The following PRKAR2A variants were observed in gnomAD, a reference collection of about 807,000 sequenced individuals.
PRKAR2A encodes protein kinase cAMP-dependent type II regulatory subunit alpha.
PRKAR2A carries 29 observed loss-of-function variants against 51.9 expected under a neutral mutation model. That is an observed-to-expected ratio of 0.56 (90% CI 0.42 to 0.76). The LOEUF is 0.76. PRKAR2A is among the 30% of genes least tolerant of loss of function. The probability of loss-of-function intolerance (pLI) is 0.00; values close to 1 mark genes in which losing one functional copy is unlikely to be tolerated. For missense variants in PRKAR2A, 445 were observed against 512.1 expected, an observed-to-expected ratio of 0.87 and a Z score of 1.26; for synonymous variants, 178 against 186.2, an observed-to-expected ratio of 0.96 and a Z score of 0.36.
At chr3:48,844,567 G>C (rs1468848695) in intron 1 of PRKAR2A, among the ~76,000 whole-genome samples, 1 of 150,868 alleles carries the variant, frequency 6.6e-6, no homozygotes, top group Non-Finnish European at 1.5e-5. Flanking sequence ...ATTCACAATA[G>C]CAAAGACTTG....
chr3:48,796,897 C>T (rs112783411), intron 2 of PRKAR2A, among the ~76,000 whole-genome samples: 2 of 151,816 alleles, frequency 1.3e-5, no homozygotes, highest in African/African-American at 2.4e-5. Context: ...TGGCTTTTTG[C>T]TCAGAATTCA....
chr3:48,760,666 T>TAA (rs534005882), intron 8 of PRKAR2A, among the ~76,000 whole-genome samples: 46 of 106,938 alleles, frequency 4.3e-4, no homozygotes, highest in African/African-American at 1.3e-3. Context: ...CTGTCTTTAC[T>TAA]AAAAAAAAAA....
chr3:48,754,548 G>A (rs1006318980), intron 9 of PRKAR2A, among the ~76,000 whole-genome samples: 2 of 152,042 alleles, frequency 1.3e-5, no homozygotes, highest in African/African-American at 4.8e-5. Flanking sequence ...AGAGGCAGGA[G>A]GATCACCTGA....
chr3:48,800,190 A>C (rs2082564177), intron 2 of PRKAR2A, among the ~76,000 whole-genome samples: 1 of 151,586 alleles, frequency 6.6e-6, no homozygotes, highest in Admixed American at 6.6e-5. Flanking sequence ...ATAAAATCAT[A>C]CTAACATTTC....
At chr3:48,746,353 T>TAAAAA (rs34195938), downstream of PRKAR2A, among the ~76,000 whole-genome samples, 5 of 68,296 alleles carry the variant, frequency 7.3e-5, no homozygotes, top group East Asian at 4.8e-4. Flanking sequence ...ATCCTGTCAC[T>TAAAAA]AAAAAAAAAA....
intron 2 of PRKAR2A, among the ~76,000 whole-genome samples, chr3:48,796,770 G>A (rs1006869090): frequency 2.7e-5 from 4 of 150,402 alleles, no homozygotes; most frequent in African/African-American, 9.8e-5. Flanking sequence ...GATTACAGAC[G>A]TGAGCAACCG....
At chr3:48,773,764 AC>A (rs1273248636) in intron 5 of PRKAR2A, among the ~76,000 whole-genome samples, 6 of 151,580 alleles carry the variant, frequency 4.0e-5, no homozygotes. Flanking sequence ...ACACACACAC[AC>A]ATATATACAT....
At chr3:48,783,157 A>C in intron 4 of PRKAR2A, 65 bp from the exon 5 acceptor site, 1 of 1,019,888 alleles carries the variant, frequency 9.8e-7, no homozygotes, top group South Asian at 1.3e-5. Context: ...CAGTGACCAT[A>C]ATTATCTCAA....
At chr3:48,810,903 G>GCA (rs1194206364) in intron 1 of PRKAR2A, among the ~76,000 whole-genome samples, 1 of 152,180 alleles carries the variant, frequency 6.6e-6, no homozygotes, top group African/African-American at 2.4e-5. Context: ...GGGGCCGGGT[G>GCA]CAGTGGCTCA....
At chr3:48,795,556 TGA>T (rs1008207624) in intron 2 of PRKAR2A, among the ~76,000 whole-genome samples, 4 of 152,176 alleles carry the variant, frequency 2.6e-5, no homozygotes, top group Non-Finnish European at 4.4e-5. Context: ...CTTCTTTTTT[TGA>T]GAGAGTCTCG....
intron 6 of PRKAR2A, among the ~76,000 whole-genome samples, chr3:48,772,248 T>C (rs1378514350): frequency 6.6e-6 from 1 of 152,198 alleles, no homozygotes; most frequent in Non-Finnish European, 1.5e-5. Context: ...GGCTTATTAT[T>C]TGATTTTGTA....
At position 48,750,608 on chromosome 3, in the gene PRKAR2A, G is replaced by T. The variant is rs1575829416; in HGVS notation, c.*977C>A. On this transcript the variant is annotated 3_prime_UTR_variant, in exon 11 of 11. Coordinates refer to ENST00000265563, the MANE Select transcript of PRKAR2A (RefSeq NM_004157.4). ...ACAACAACTCTGGAGTAGAAGGAAA[G>T]AACTCTCTTTATAGTACAACCTCTT... is the stretch of plus-strand genomic sequence containing the variant. The T allele has an allele frequency of 6.6e-6, 1 of 152,494 alleles. No individual in the cohort carries two copies. Among genetic ancestry groups the T allele is most frequent in the African/African-American group, 2.4e-5 (1 of 41,454 alleles). 9.4% of individuals were successfully genotyped at this position (152,494 alleles called of 1,614,324 possible). A position where few individuals can be genotyped will look rare whatever the true frequency, so the allele number is the denominator to read the frequency against.
chr3:48,781,137 ATTT>A (rs71077735), intron 5 of PRKAR2A, among the ~76,000 whole-genome samples: 1 of 124,314 alleles, frequency 8.0e-6, no homozygotes. Flanking sequence ...TGCCTGGCTA[ATTT>A]TTTTTTTTTT....
At chr3:48,818,303 C>G (rs1260855611) in intron 1 of PRKAR2A, among the ~76,000 whole-genome samples, 1 of 152,202 alleles carries the variant, frequency 6.6e-6, no homozygotes, top group Non-Finnish European at 1.5e-5. Context: ...GAATTATCTG[C>G]TATATTTTCA....
chr3:48,826,534 T>A (rs955603195), intron 1 of PRKAR2A, among the ~76,000 whole-genome samples: 1 of 152,030 alleles, frequency 6.6e-6, no homozygotes, highest in African/African-American at 2.4e-5. Flanking sequence ...TTTACTGGCG[T>A]TTCCTAACAT....
chr3:48,834,711 G>A (rs2083250688), intron 1 of PRKAR2A, among the ~76,000 whole-genome samples: 1 of 140,852 alleles, frequency 7.1e-6, no homozygotes, highest in South Asian at 2.2e-4. Flanking sequence ...GCAACAGAGT[G>A]AGAACCTGTC....
chr3:48,791,903 CAAAAAAAAAAAAAAA>C (rs1177374619), intron 3 of PRKAR2A, among the ~76,000 whole-genome samples: 4 of 41,882 alleles, frequency 9.6e-5, no homozygotes, highest in Admixed American at 4.0e-4. Context: ...AACTCTGTCT[CAAAAAAAAAAAAAAA>C]AAAAAAAAAA....
At chr3:48,821,998 G>A (rs994574858) in intron 1 of PRKAR2A, among the ~76,000 whole-genome samples, 4 of 151,640 alleles carry the variant, frequency 2.6e-5, no homozygotes, top group Non-Finnish European at 5.9e-5. Flanking sequence ...AGGCCAAGGC[G>A]GGCAGATCAC....
intron 9 of PRKAR2A, among the ~76,000 whole-genome samples, chr3:48,754,590 T>C (rs971075014): frequency 6.6e-5 from 10 of 151,806 alleles, no homozygotes; most frequent in Non-Finnish European, 1.3e-4. Flanking sequence ...CTGGCCAACA[T>C]GGGGAAACCC....
Sources: allele counts gnomAD v4.1 joint callset (sites outside exome capture counted in the v4.1 genomes callset), GRCh38; gene constraint gnomAD v4.1.1; transcripts MANE v1.5; gene names NCBI Gene and HGNC (gene_info 2026-07-23, HGNC 2026-07-21).